Variants in FAAH2 observed in about 807,000 individuals in gnomAD.
FAAH2 encodes the protein fatty acid amide hydrolase 2.
FAAH2 carries 60 observed loss-of-function variants against 36.9 expected under a neutral mutation model. That is an observed-to-expected ratio of 1.63 (90% CI 1.32 to 2.02). The LOEUF (loss-of-function observed/expected upper bound fraction) is 2.02, where lower values mean the gene tolerates loss of function less well. FAAH2 is among the 30% of genes most tolerant of loss of function. The probability of loss-of-function intolerance (pLI) is 0.00; values close to 1 mark genes in which losing one functional copy is unlikely to be tolerated. For synonymous variants in FAAH2, 214 were observed against 143.8 expected, an observed-to-expected ratio of 1.49 and a Z score of -3.49; for missense variants, 689 against 397.5, an observed-to-expected ratio of 1.73 and a Z score of -6.23.
the FAAH2 span, among the ~76,000 whole-genome samples, chrX:57,222,857 G>C: frequency 9.0e-6 from 1 of 111,052 alleles, no homozygotes. Flanking sequence ...TACTTAGTTT[G>C]TAGATGGCAG....
chrX:57,349,106 G>GTGTATAATATATACATATATATAATA (rs1569280705), intron 5 of FAAH2, among the ~76,000 whole-genome samples: 1 of 92,103 alleles, frequency 1.1e-5, no homozygotes, highest in African/African-American at 3.9e-5. Flanking sequence ...TATATATAAT[G>GTGTATAATATATACATATATATAATA]TATATGTGTA....
intron 8 of FAAH2, among the ~76,000 whole-genome samples, chrX:57,445,348 A>T (rs760649253): frequency 9.0e-6 from 1 of 111,622 alleles, no homozygotes; most frequent in East Asian, 2.8e-4. Flanking sequence ...CCTCAATATG[A>T]AGGAGTCTGT....
intron 10 of FAAH2, among the ~76,000 whole-genome samples, chrX:57,465,785 A>T (rs1319974920): frequency 9.0e-6 from 1 of 111,030 alleles, no homozygotes; most frequent in Non-Finnish European, 1.9e-5. Context: ...AGACATAATA[A>T]TTACAAATTT....
chrX:57,316,864 C>T (rs970757422), intron 3 of FAAH2, among the ~76,000 whole-genome samples: 1 of 111,557 alleles, frequency 9.0e-6, no homozygotes, highest in East Asian at 2.8e-4. Context: ...AAAGCTATTG[C>T]AACTAAATGA....
chrX:57,295,793 C>T (rs2052128516), intron 2 of FAAH2, among the ~76,000 whole-genome samples: 1 of 112,546 alleles, frequency 8.9e-6, no homozygotes, highest in Non-Finnish European at 1.9e-5. Context: ...TAACAAAGGA[C>T]ACACCAGGAG....
the FAAH2 span, among the ~76,000 whole-genome samples, chrX:57,142,749 T>C: frequency 8.9e-6 from 1 of 111,924 alleles, no homozygotes; most frequent in African/African-American, 3.2e-5. Flanking sequence ...CCTCTCTCTT[T>C]AGTTGTACTA....
intron 10 of FAAH2, among the ~76,000 whole-genome samples, chrX:57,459,575 C>G (rs1040409308): frequency 1.8e-5 from 2 of 112,120 alleles, no homozygotes; most frequent in Non-Finnish European, 3.8e-5. Flanking sequence ...CAGGGTTTGA[C>G]AGACACCTCA....
chrX:57,279,887 C>T, the FAAH2 span, among the ~76,000 whole-genome samples: 307 of 111,680 alleles, frequency 2.7e-3, no homozygotes, highest in African/African-American at 9.4e-3. Flanking sequence ...CAACATCATA[C>T]TGAATGGGCA....
chrX:57,310,779 C>T (rs775025539), intron 3 of FAAH2, 50 bp downstream of exon 3: 4 of 1,129,589 alleles, frequency 3.5e-6, no homozygotes, highest in South Asian at 2.2e-5. Context: ...CAAGTTGCTA[C>T]ATTTTCTAAA....
chrX:57,373,037 C>T (rs987497793), intron 5 of FAAH2, among the ~76,000 whole-genome samples: 48 of 111,533 alleles, frequency 4.3e-4, no homozygotes, highest in African/African-American at 1.6e-3. Context: ...ATCCAGGTTG[C>T]TGCAAATGCC....
chrX:57,224,280 G>T, the FAAH2 span, among the ~76,000 whole-genome samples: 1 of 111,705 alleles, frequency 9.0e-6, no homozygotes, highest in African/African-American at 3.3e-5. Flanking sequence ...TCCAGATGAT[G>T]CTTCTGCTAC....
At chrX:57,319,572 A>G (rs1173722883) in intron 3 of FAAH2, among the ~76,000 whole-genome samples, 2 of 112,397 alleles carry the variant, frequency 1.8e-5, no homozygotes, top group South Asian at 7.3e-4. Context: ...GAAAGAATCA[A>G]TATTGTGAAA....
chrX:57,154,434 T>A, the FAAH2 span, among the ~76,000 whole-genome samples: 1 of 108,267 alleles, frequency 9.2e-6, no homozygotes, highest in African/African-American at 3.4e-5. Flanking sequence ...TGGCGATTTT[T>A]TTTTTTTATT....
At chrX:57,422,947 G>A (rs960518634) in intron 7 of FAAH2, among the ~76,000 whole-genome samples, 1 of 112,228 alleles carries the variant, frequency 8.9e-6, no homozygotes, top group African/African-American at 3.2e-5. Context: ...CCATGCTATG[G>A]GTGGGTCCAA....
At chrX:57,290,407 A>G in intron 1 of FAAH2, 6 of 380,268 alleles carry the variant, frequency 1.6e-5, no homozygotes, top group Non-Finnish European at 2.0e-5. Flanking sequence ...TGCATTTAAC[A>G]AACATTTACT....
the FAAH2 span, among the ~76,000 whole-genome samples, chrX:57,184,495 A>T: frequency 8.9e-6 from 1 of 112,451 alleles, no homozygotes; most frequent in African/African-American, 3.2e-5. Context: ...AAATAGAAAG[A>T]ACCTACGTTG....
intron 7 of FAAH2, among the ~76,000 whole-genome samples, chrX:57,406,308 G>A (rs946789688): frequency 4.5e-5 from 5 of 112,328 alleles, no homozygotes; most frequent in African/African-American, 1.3e-4. Context: ...TGAGCTGGGA[G>A]TGCAGAGCTC....
the FAAH2 span, among the ~76,000 whole-genome samples, chrX:57,149,828 TCTA>T: frequency 9.0e-6 from 1 of 111,698 alleles, no homozygotes; most frequent in Non-Finnish European, 1.9e-5. Flanking sequence ...CTCTTGCTTT[TCTA>T]CTTCTTTTAA....
the FAAH2 span, among the ~76,000 whole-genome samples, chrX:57,131,523 C>T: frequency 2.7e-5 from 3 of 111,842 alleles, no homozygotes; most frequent in Non-Finnish European, 3.8e-5. Context: ...CCTTGAAGCC[C>T]CCTATCTAGC....
Sources: gnomAD v4.1 joint callset for allele counts (sites outside exome capture counted in the v4.1 genomes callset) on GRCh38, gnomAD v4.1.1 for gene constraint, MANE v1.5 for transcripts, NCBI Gene and HGNC (gene_info 2026-07-23, HGNC 2026-07-21) for gene names.